HMCN2: variants seen among roughly 807,000 people sequenced by gnomAD.
HMCN2 encodes hemicentin-2.
Under a neutral mutation model 377.5 loss-of-function variants are expected in HMCN2, and 325 were observed. That is an observed-to-expected ratio of 0.86 (90% CI 0.79 to 0.94). HMCN2 has a LOEUF of 0.94. Ranked by LOEUF, HMCN2 falls within the 40% of genes least tolerant of loss-of-function variation. The pLI, the probability that HMCN2 is intolerant of heterozygous loss-of-function variation, is 0.00. For synonymous variants in HMCN2, 2,007 were observed against 2,046.8 expected (o/e 0.98, Z 0.53); for missense variants, 4,543 against 4,725.3 (o/e 0.96, Z 1.13).
chr9:130,405,203 T>A (rs969441905), intron 81 of HMCN2, 144 bp downstream of exon 81: 2 of 524,176 alleles, frequency 3.8e-6, no homozygotes, highest in East Asian at 1.1e-4. Flanking sequence ...CAGCCAGAAC[T>A]GAGGCTCAAA....
intron 62 of HMCN2, 136 bp from the exon 63 acceptor site, chr9:130,390,841 G>T: frequency 2.1e-6 from 1 of 483,588 alleles, no homozygotes; most frequent in Non-Finnish European, 2.7e-6. Flanking sequence ...AAGGAAATGA[G>T]GAAGGCTTCT....
Position 130,394,308 on chromosome 9 carries a change from C to T in HMCN2, c.10502-77C>T. 1.0e-6 allele frequency: 1 copy of T among 977,516 alleles called. No individual in the cohort carries two copies. The highest frequency in any genetic ancestry group is 1.4e-6 in the Non-Finnish European group (1 of 719,574). 60.6% of individuals were successfully genotyped at this position (977,516 alleles called of 1,614,324 possible). A position where few individuals can be genotyped will look rare whatever the true frequency, so the allele number is the denominator to read the frequency against. On this transcript the variant is annotated intron_variant, in intron 68 of 97. Coordinates refer to ENST00000683500, the MANE Select transcript of HMCN2 (RefSeq NM_001291815.2). The surrounding 1 kb of genome is among the most constrained non-coding windows in gnomAD (Gnocchi z 5.1). The stretch of plus-strand genomic sequence containing the variant: ...AATGTGGGAGCAGAGCCCCTGGACT[C>T]AGCACAGTGTTTTCAAGTGCGGTGC...
chr9:130,307,180 G>A (rs1427142070), intron 13 of HMCN2, among the ~76,000 whole-genome samples: 3 of 152,136 alleles, frequency 2.0e-5, no homozygotes, highest in Admixed American at 2.0e-4. Flanking sequence ...TGCGAGGGAG[G>A]GACGTGTGCT....
intron 26 of HMCN2, 166 bp from the exon 27 acceptor site, chr9:130,348,379 G>A: frequency 1.1e-6 from 1 of 933,420 alleles, no homozygotes; most frequent in Non-Finnish European, 1.3e-6. Flanking sequence ...CAAGGCTGCT[G>A]CGGCCATCTG....
chr9:130,398,637 C>G lies in HMCN2; in HGVS notation c.11413C>G (p.Pro3805Ala), dbSNP rs1285035139. 7.8e-7 allele frequency: 1 copy of G among 1,289,468 alleles called. No homozygotes were observed. Among genetic ancestry groups the G allele is most frequent in the Admixed American group, 2.3e-5 (1 of 43,560 alleles). 79.9% of individuals were successfully genotyped at this position (1,289,468 alleles called of 1,614,324 possible). ...GCTGCCCTGCGAGGCCAGCGGCTCC[C>G]CTAAGCCCCTGGTGGTCTGGTGGAA... Reference protein sequence around the residue: ...ALLPCEASGSPKPLVVWWKDG... With the variant: ...ALLPCEASGSAKPLVVWWKDG... Residue 3805 changes from proline (P) to alanine (A), a missense_variant, in exon 75 of 98, where the codon CCT becomes GCT. Transcript: ENST00000683500.
intron 22 of HMCN2, among the ~76,000 whole-genome samples, chr9:130,336,078 G>A (rs1170608424): frequency 2.0e-5 from 3 of 152,140 alleles, no homozygotes; most frequent in Non-Finnish European, 2.9e-5. Flanking sequence ...TCCGGTGCAT[G>A]TGAGACACAT....
chr9:130,428,306 G>A lies in HMCN2; in HGVS notation c.14066-52G>A. On this transcript the variant is annotated intron_variant, in intron 92 of 97. Transcript: ENST00000683500. This position sits in a 1 kb window ranked among gnomAD's most constrained non-coding sequence, Gnocchi z 5.0. ...AGGCCGGGCCAGGGTCAGGTGGCGA[G>A]GCACGCCTGGGGATCATGTTCACAC... 2.0e-6 allele frequency: 3 copies of A among 1,477,286 alleles called. No individual in the cohort carries two copies. The highest frequency in any genetic ancestry group is 2.7e-6 in the Non-Finnish European group (3 of 1,107,660). 91.5% of individuals were successfully genotyped at this position (1,477,286 alleles called of 1,614,324 possible).
rs1284802600 is a variant in HMCN2 at position 130,414,386 on chromosome 9, C to T, written c.12961+3734C>T. Reference sequence around the variant, plus strand: ...GCCTCATAGGGAACCTGGGCTTCCACGCTGACCTGGCGGAAGTGAGTGGCA... The same window carrying T: ...GCCTCATAGGGAACCTGGGCTTCCATGCTGACCTGGCGGAAGTGAGTGGCA... On this transcript the variant is annotated intron_variant, in intron 85 of 97. Coordinates refer to ENST00000683500, the MANE Select transcript of HMCN2 (RefSeq NM_001291815.2). This position sits in a 1 kb window ranked among gnomAD's most constrained non-coding sequence, Gnocchi z 4.4. Among the ~76,000 whole-genome samples the T allele has an allele frequency of 6.6e-6, 1 of 152,190 alleles. No individual in the cohort carries two copies. The highest frequency in any genetic ancestry group is 2.4e-5 in the African/African-American group (1 of 41,424).
In HMCN2 at chr9:130,413,422, C is replaced by G. The variant is rs1031043322; in HGVS notation, c.12961+2770C>G. Among the ~76,000 whole-genome samples the G allele has an allele frequency of 4.7e-4, 72 of 152,216 alleles. 2 individuals carry two copies. Among genetic ancestry groups the G allele is most frequent in the African/African-American group, 1.7e-3 (70 of 41,532 alleles). ...CCCTTTCTCAGGCTGAGGAAGTTCC[C>G]CTTTTGTACCTAGTGTGTTGAGAGT... is the stretch of plus-strand genomic sequence containing the variant. On this transcript the variant is annotated intron_variant, in intron 85 of 97. Coordinates refer to ENST00000683500, the MANE Select transcript of HMCN2 (RefSeq NM_001291815.2).
In HMCN2 at chr9:130,388,492, G is replaced by A. The variant is rs984657746; in HGVS notation, c.9475G>A (p.Gly3159Arg). Residue 3159 changes from glycine (G) to arginine (R), a missense_variant, in exon 62 of 98, where the codon GGG (glycine) becomes AGG (arginine). Gly to Arg is a moderately radical substitution (Grantham distance 125). Coordinates refer to ENST00000683500, the MANE Select transcript of HMCN2 (RefSeq NM_001291815.2). Reference protein sequence around the residue: ...SPLVLTCDVSGVPAPTVTWLK... With the variant: ...SPLVLTCDVSRVPAPTVTWLK... Reference sequence around the variant, plus strand: ...CCTGGTCCTGACCTGTGATGTGTCCGGGGTCCCTGCACCCACGGTCACTTG... The same window carrying A: ...CCTGGTCCTGACCTGTGATGTGTCCAGGGTCCCTGCACCCACGGTCACTTG... 1.2e-5 allele frequency: 12 copies of A among 987,950 alleles called. No individual in the cohort carries two copies. Among genetic ancestry groups the A allele is most frequent in the Admixed American group, 1.2e-4 (2 of 16,268 alleles). 61.2% of individuals were successfully genotyped at this position (987,950 alleles called of 1,614,324 possible).
Position 130,308,487 on chromosome 9 carries a change from C to T in HMCN2, c.2200+921C>T, listed in dbSNP as rs56163132. Among the ~76,000 whole-genome samples, 1 of 152,102 alleles carries T rather than the reference C, an allele frequency of 6.6e-6. No homozygotes were observed. The highest frequency in any genetic ancestry group is 2.4e-5 in the African/African-American group (1 of 41,406). ...CTTTCTGGGAGCAGTACGCTGGGCT[C>T]CCTCTCGAGGGTCAACCGGGGTCAG... On this transcript the variant is annotated intron_variant, in intron 14 of 97. Transcript: ENST00000683500. This position sits in a 1 kb window ranked among gnomAD's most constrained non-coding sequence, Gnocchi z 4.1.
intron 8 of HMCN2, among the ~76,000 whole-genome samples, chr9:130,302,134 C>T (rs549364938): frequency 6.7e-4 from 102 of 152,136 alleles, no homozygotes; most frequent in African/African-American, 2.3e-3. Flanking sequence ...CTCCGCCTCC[C>T]GGATCCCAGT....
intron 7 of HMCN2, among the ~76,000 whole-genome samples, chr9:130,298,205 C>G (rs977198817): frequency 2.0e-5 from 3 of 152,172 alleles, no homozygotes; most frequent in Non-Finnish European, 4.4e-5. Flanking sequence ...CTGCCTGCCT[C>G]AGCCTCCCAA....
At chr9:130,391,143 C>T (rs1588377029) in intron 63 of HMCN2, 23 bp downstream of exon 63, 1 of 987,796 alleles carries the variant, frequency 1.0e-6, no homozygotes, top group African/African-American at 1.7e-5. Flanking sequence ...CTGCACCCTC[C>T]TGTCCCACTC....
At chr9:130,283,282 CTT>C (rs1350520840) in intron 1 of HMCN2, among the ~76,000 whole-genome samples, 8 of 152,044 alleles carry the variant, frequency 5.3e-5, no homozygotes, top group Admixed American at 5.2e-4. Context: ...AAAAAAAACT[CTT>C]TGTTAGTGAA....
chr9:130,327,552 G>A (rs1014061294), intron 22 of HMCN2, 77 bp downstream of exon 22: 4 of 152,282 alleles, frequency 2.6e-5, no homozygotes, highest in African/African-American at 9.7e-5. Flanking sequence ...CAGTGACCCA[G>A]CGGGTGTCTT....
chr9:130,354,882 C>T lies in HMCN2; in HGVS notation c.4984C>T (p.His1662Tyr). The T allele has an allele frequency of 7.7e-7, 1 of 1,304,306 alleles. No individual in the cohort carries two copies. Among genetic ancestry groups the T allele is most frequent in the Non-Finnish European group, 1.0e-6 (1 of 988,952 alleles). The allele number at this position is 1,304,306 out of a possible 1,614,324, so 80.8% of individuals were successfully genotyped here. The change falls in exon 32 of 98, where the codon CAC (histidine) becomes TAC (tyrosine). Residue 1662 changes from histidine to tyrosine, a missense_variant. His to Tyr is a moderately conservative substitution (Grantham distance 83). Coordinates refer to ENST00000683500, the MANE Select transcript of HMCN2 (RefSeq NM_001291815.2). The stretch of plus-strand genomic sequence containing the variant: ...CCCGTCCCCCACCCTCTCCTGGCAC[C>T]ACGAGGGGCTGCCCGTGGCAGAGAG... ...GHPSPTLSWH[H>Y]EGLPVAESNE...
chr9:130,299,915 C>T (rs781868639), intron 8 of HMCN2, among the ~76,000 whole-genome samples: 108 of 149,930 alleles, frequency 7.2e-4, no homozygotes, highest in Non-Finnish European at 1.3e-3. Context: ...ATGCACTCAT[C>T]CACCCACCCA....
chr9:130,423,315 G>A lies in HMCN2; in HGVS notation c.13381+589G>A, dbSNP rs559037748. ...CTTCCCAAGGAATCCCTGGCCCCTC[G>A]TGGGGGTCCAGGAGGGGCAGTATTC... On this transcript the variant is annotated intron_variant, in intron 87 of 97. Coordinates refer to ENST00000683500, the MANE Select transcript of HMCN2 (RefSeq NM_001291815.2). This position sits in a 1 kb window ranked among gnomAD's most constrained non-coding sequence, Gnocchi z 5.5. Among the ~76,000 whole-genome samples, 2 of 152,090 alleles carry A rather than the reference G, an allele frequency of 1.3e-5. No homozygotes were observed. The highest frequency in any genetic ancestry group is 2.9e-5 in the Non-Finnish European group (2 of 68,004).
Sources: allele counts gnomAD v4.1 joint callset (sites outside exome capture counted in the v4.1 genomes callset), GRCh38; gene constraint gnomAD v4.1.1; non-coding constraint Gnocchi (gnomAD v3.1); transcripts MANE v1.5; gene names NCBI Gene and HGNC (gene_info 2026-07-23, HGNC 2026-07-21).